The following ZFC3H1 variants were observed in gnomAD, a reference collection of about 807,000 sequenced individuals.
The protein encoded by ZFC3H1 is zinc finger C3H1-type containing, also known as zinc finger C3H1 domain-containing protein.
A neutral mutation model predicts 243.7 loss-of-function variants in ZFC3H1; 71 were observed. The ratio of observed to expected loss-of-function variants is 0.29; its 90% confidence interval spans 0.24 to 0.36. ZFC3H1 has a LOEUF of 0.36. Among genes scored for constraint, ZFC3H1 ranks in the 10% least tolerant of loss-of-function variants. The probability of loss-of-function intolerance (pLI) is 1.00; values close to 1 mark genes in which losing one functional copy is unlikely to be tolerated. For synonymous variants in ZFC3H1, 838 were observed against 813.0 expected, an observed-to-expected ratio of 1.03 and a Z score of -0.52; for missense variants, 1,966 against 2,317.1, an observed-to-expected ratio of 0.85 and a Z score of 3.11.
chr12:71,611,276 T>C (rs977535458), intron 32 of ZFC3H1, 179 bp from the exon 33 acceptor site: 2 of 501,928 alleles, frequency 4.0e-6, no homozygotes, highest in Non-Finnish European at 6.2e-6. Context: ...AAAAGAAAAA[T>C]TCAACAATTT....
chr12:71,636,810 G>T (rs1188193042), intron 8 of ZFC3H1, 40 bp downstream of exon 8: 2 of 1,605,152 alleles, frequency 1.2e-6, no homozygotes, highest in East Asian at 4.5e-5. Flanking sequence ...GTAAAGCTAA[G>T]CTCAAGAGCA....
intron 26 of ZFC3H1, 64 bp downstream of exon 26, chr12:71,619,862 T>C (rs1879981329): frequency 4.1e-6 from 6 of 1,468,704 alleles, no homozygotes; most frequent in Admixed American, 2.1e-5. Flanking sequence ...CACTTCCTGG[T>C]GAGGCCAATA....
At chr12:71,622,915 C>T (rs1880068415) in intron 24 of ZFC3H1, among the ~76,000 whole-genome samples, 1 of 152,054 alleles carries the variant, frequency 6.6e-6, no homozygotes, top group East Asian at 1.9e-4. Context: ...GTAATGTGTT[C>T]CACAATAGTC....
rs1880335154 is a variant in ZFC3H1 at position 71,632,028 on chromosome 12, T to G, written c.3304A>C (p.Lys1102Gln). The part of the protein sequence containing the change: ...QKLYSKADSL[K>Q]QLILKTTTGI... ...GTGGTGGTTTTTAAAATCAGCTGTT[T>G]TAGGCTGTCAGCTTTTGAATACAAT... The change falls in exon 15 of 35, where the codon AAA (lysine) becomes CAA (glutamine). Residue 1102 changes from lysine (K) to glutamine (Q), a missense_variant. Around this residue, in one of 4 missense-constraint regions of ZFC3H1, gnomAD observed 1,383 missense variants for 1,723.7 expected, o/e 0.80. Transcript: ENST00000378743. 6.2e-7 allele frequency: 1 copy of G among 1,608,270 alleles called. No homozygotes were observed. The highest frequency in any genetic ancestry group is 2.2e-5 in the East Asian group (1 of 44,844).
At position 71,624,161 on chromosome 12, in the gene ZFC3H1, A is replaced by C; in HGVS notation, c.4449T>G (p.Phe1483Leu). The change falls in exon 23 of 35, where the codon TTT (phenylalanine) becomes TTG (leucine). Residue 1483 changes from phenylalanine (F) to leucine (L), a missense_variant. This residue lies in a region of ZFC3H1 where 1,383 missense variants were observed against 1,723.7 expected (regional missense o/e 0.80). Transcript: ENST00000378743. ...LSFQLLEALL[F>L]RVQLHIFTGR... Reference sequence around the variant, plus strand: ...CAGTAAATATGTGCAGCTGAACTCTAAACAAAAGAGCCTCTAAAAGCTGAA... The same window carrying C: ...CAGTAAATATGTGCAGCTGAACTCTCAACAAAAGAGCCTCTAAAAGCTGAA... 1 of 1,614,048 alleles carries C rather than the reference A, an allele frequency of 6.2e-7. No homozygotes were observed. The highest frequency in any genetic ancestry group is 8.5e-7 in the Non-Finnish European group (1 of 1,180,004).
Position 71,663,447 on chromosome 12 carries a change from C to G in ZFC3H1, c.164G>C (p.Arg55Pro). Residue 55 changes from arginine to proline, a missense_variant, in exon 1 of 35, where the codon CGA (arginine) becomes CCA (proline). Arg to Pro is a moderately radical substitution (Grantham distance 103). Transcript: ENST00000378743. Reference sequence around the variant, plus strand: ...GCCCCGGGCCGAGTGAGGAGGCCTTCGCCGCGGATAGGGTAACAGCCCGCC... The same window carrying G: ...GCCCCGGGCCGAGTGAGGAGGCCTTGGCCGCGGATAGGGTAACAGCCCGCC... ...SGGGLLPYPR[R>P]RPPHSARGGG... The G allele has an allele frequency of 6.2e-7, 1 of 1,612,212 alleles. No homozygotes were observed. Among genetic ancestry groups the G allele is most frequent in the Non-Finnish European group, 8.5e-7 (1 of 1,180,034 alleles).
At chr12:71,612,815 A>T (rs1038476047) in intron 31 of ZFC3H1, among the ~76,000 whole-genome samples, 3 of 152,178 alleles carry the variant, frequency 2.0e-5, no homozygotes, top group Non-Finnish European at 4.4e-5. Flanking sequence ...CAGAGCAGAG[A>T]AACTACAAAG....
chr12:71,611,347 G>C, intron 32 of ZFC3H1: 3 of 168,648 alleles, frequency 1.8e-5, no homozygotes, highest in African/African-American at 2.9e-5. Flanking sequence ...GTTCACAGGA[G>C]AAAAAAAAAA....
Position 71,636,838 on chromosome 12 carries a change from T to G in ZFC3H1, c.1935+12A>C. On this transcript the variant is annotated intron_variant, in intron 8 of 34. Coordinates refer to ENST00000378743, the MANE Select transcript of ZFC3H1 (RefSeq NM_144982.5). ...CAAGAGCACCACCTAGAGGTTTAGG[T>G]ACCTAAATTACCTCTGGCTTAAAAG... 1 of 1,613,488 alleles carries G rather than the reference T, an allele frequency of 6.2e-7. No individual in the cohort carries two copies. Among genetic ancestry groups the G allele is most frequent in the African/African-American group, 1.3e-5 (1 of 74,962 alleles).
chr12:71,641,064 A>T (rs1880590697), intron 6 of ZFC3H1, among the ~76,000 whole-genome samples: 1 of 152,162 alleles, frequency 6.6e-6, no homozygotes, highest in African/African-American at 2.4e-5. Flanking sequence ...CGTGGCAAAA[A>T]ATTAAAATTT....
At chr12:71,636,456 T>C in intron 9 of ZFC3H1, 34 bp downstream of exon 9, 1 of 1,571,488 alleles carries the variant, frequency 6.4e-7, no homozygotes, top group Non-Finnish European at 8.6e-7. Flanking sequence ...TCATAACTGT[T>C]TGAATAAAAG....
intron 2 of ZFC3H1, among the ~76,000 whole-genome samples, chr12:71,648,357 T>G (rs1302777475): frequency 1.3e-5 from 2 of 152,228 alleles, no homozygotes; most frequent in East Asian, 3.8e-4. Flanking sequence ...TGGGCCCAGA[T>G]GACTGATGAA....
intron 2 of ZFC3H1, among the ~76,000 whole-genome samples, chr12:71,655,758 T>C (rs1341999321): frequency 6.6e-6 from 1 of 151,838 alleles, no homozygotes; most frequent in African/African-American, 2.4e-5. Context: ...AGAATAAAGA[T>C]GAAAACAGCC....
At chr12:71,629,735 C>T (rs759250343) in intron 18 of ZFC3H1, 25 bp from the exon 19 acceptor site, 1 of 1,371,804 alleles carries the variant, frequency 7.3e-7, no homozygotes, top group Non-Finnish European at 1.0e-6. Flanking sequence ...ATGCAATCTT[C>T]ATGATAAATA....
intron 1 of ZFC3H1, among the ~76,000 whole-genome samples, chr12:71,658,443 C>T (rs1881080587): frequency 6.6e-6 from 1 of 151,944 alleles, no homozygotes; most frequent in African/African-American, 2.4e-5. Flanking sequence ...TGCGTGCCAC[C>T]ATGCCCAGCT....
chr12:71,627,717 C>T (rs754249926), intron 21 of ZFC3H1, 34 bp downstream of exon 21: 55 of 1,570,468 alleles, frequency 3.5e-5, no homozygotes, highest in Non-Finnish European at 4.7e-5. Flanking sequence ...TATAAATGTG[C>T]AACTGTTTAC....
rs764500691 is a variant in ZFC3H1, at chr12:71,644,880, T to C, written c.1276A>G (p.Thr426Ala). The C allele has an allele frequency of 6.8e-6, 11 of 1,610,770 alleles. No individual in the cohort carries two copies. Among genetic ancestry groups the C allele is most frequent in the Middle Eastern group, 4.5e-4 (2 of 4,464 alleles). ...AGAATTTAATAAAAATGATCACCTG[T>C]AGTGCTAACTTTTTTGGCCGAATGT... ...KTHSAKKVSTTAKQALRKQQT... is the reference protein window; with the variant it reads ...KTHSAKKVSTAAKQALRKQQT... Residue 426 changes from threonine (T) to alanine (A), a missense_variant, in exon 4 of 35, where the codon ACA becomes GCA. By Grantham distance (58) the Thr-to-Ala change is moderately conservative. This residue lies in a region of ZFC3H1 where 91 missense variants were observed against 107.6 expected (regional missense o/e 0.85). Transcript: ENST00000378743.
At chr12:71,657,946 A>G (rs913882166) in intron 1 of ZFC3H1, among the ~76,000 whole-genome samples, 9 of 151,674 alleles carry the variant, frequency 5.9e-5, no homozygotes, top group Admixed American at 3.9e-4. Context: ...CCAAGATCAC[A>G]CCACTGCACT....
chr12:71,638,828 C>CA lies in ZFC3H1; in HGVS notation c.1628-314dup, dbSNP rs201669192. 1.3e-3 allele frequency among the ~76,000 whole-genome samples: 192 copies of CA among 149,212 alleles called. 1 individual carries two copies. The highest frequency in any genetic ancestry group is 2.5e-3 in the African/African-American group (101 of 40,350). On this transcript the variant is annotated intron_variant, in intron 6 of 34. Coordinates refer to ENST00000378743, the MANE Select transcript of ZFC3H1 (RefSeq NM_144982.5). ...CAGAAACATACTTTAAAAAAACAAA[C>CA]AAAAAAAAACACAAGCATATTTTTT...
Sources: allele counts gnomAD v4.1 joint callset (sites outside exome capture counted in the v4.1 genomes callset), GRCh38; gene constraint gnomAD v4.1.1; regional missense constraint gnomAD v4.1.1; transcripts MANE v1.5; gene names NCBI Gene and HGNC (gene_info 2026-07-23, HGNC 2026-07-21).